Variants in PTPRK observed in about 807,000 individuals in gnomAD.
PTPRK encodes the protein receptor-type tyrosine-protein phosphatase kappa.
A neutral mutation model predicts 178.0 loss-of-function variants in PTPRK; 75 were observed. The observed-to-expected ratio is 0.42, with a 90% CI of 0.35 to 0.51. The LOEUF (loss-of-function observed/expected upper bound fraction) is 0.51, where lower values mean the gene tolerates loss of function less well. Ranked by LOEUF, PTPRK falls within the 20% of genes least tolerant of loss-of-function variation. The pLI is 0.02. For synonymous variants in PTPRK, 637 were observed against 620.6 expected (o/e 1.03, Z -0.39); for missense variants, 1,441 against 1,797.8 (o/e 0.80, Z 3.59).
At chr6:128,367,594 A>C (rs1835691870) in intron 2 of PTPRK, among the ~76,000 whole-genome samples, 1 of 152,192 alleles carries the variant, frequency 6.6e-6, no homozygotes, top group Admixed American at 6.5e-5. Flanking sequence ...AGCTTCCAAA[A>C]GAATCTAAAC....
At chr6:128,198,327 T>C (rs1035296523) in intron 6 of PTPRK, among the ~76,000 whole-genome samples, 1 of 152,196 alleles carries the variant, frequency 6.6e-6, no homozygotes, top group African/African-American at 2.4e-5. Flanking sequence ...TCATGTGTTA[T>C]CACTCTTCAA....
At chr6:128,509,337 G>A (rs771709469) in intron 1 of PTPRK, among the ~76,000 whole-genome samples, 2 of 152,144 alleles carry the variant, frequency 1.3e-5, no homozygotes, top group Non-Finnish European at 2.9e-5. Flanking sequence ...TGGGGGGACT[G>A]CTCTTTATGA....
At chr6:128,072,208 T>C (rs1251106128) in intron 11 of PTPRK, among the ~76,000 whole-genome samples, 1 of 152,048 alleles carries the variant, frequency 6.6e-6, no homozygotes, top group Non-Finnish European at 1.5e-5. Flanking sequence ...ATTGGTATCA[T>C]TAATCATTCA....
At chr6:128,065,742 T>C (rs1781643232) in intron 12 of PTPRK, among the ~76,000 whole-genome samples, 1 of 152,192 alleles carries the variant, frequency 6.6e-6, no homozygotes, top group Non-Finnish European at 1.5e-5. Context: ...AAATAAAATG[T>C]TGCACTTCTA....
At position 127,985,734 on chromosome 6, in the gene PTPRK, C is replaced by T. The variant is rs765143497; in HGVS notation, c.3238G>A (p.Val1080Ile). Reference protein sequence around the residue: ...LSNPPSAGPIVVHCSAGAGRT... With the variant: ...LSNPPSAGPIIVHCSAGAGRT... ...ACCACCACTTACCTGCAATGTACAA[C>T]GATGGGGCCAGCACTGGGAGGGTTT... Residue 1080 changes from valine (V) to isoleucine (I), a missense_variant, in exon 22 of 30, where the codon GTT (valine) becomes ATT (isoleucine). Transcript: ENST00000368226. The T allele has an allele frequency of 1.5e-5, 24 of 1,612,362 alleles. No individual in the cohort carries two copies. The highest frequency in any genetic ancestry group is 1.6e-4 in the Middle Eastern group (1 of 6,062).
chr6:128,260,062 T>C (rs1817946135), intron 3 of PTPRK, among the ~76,000 whole-genome samples: 1 of 152,200 alleles, frequency 6.6e-6, no homozygotes, highest in Admixed American at 6.5e-5. Context: ...ATGTCTGTAT[T>C]TGAATATTTA....
chr6:128,350,644 C>T (rs954264863), intron 2 of PTPRK, among the ~76,000 whole-genome samples: 7 of 152,108 alleles, frequency 4.6e-5, no homozygotes, highest in African/African-American at 7.2e-5. Context: ...AAAAATTCAA[C>T]GTAACAATTG....
At chr6:128,459,393 C>T (rs764269537) in intron 1 of PTPRK, among the ~76,000 whole-genome samples, 1 of 152,074 alleles carries the variant, frequency 6.6e-6, no homozygotes, top group Non-Finnish European at 1.5e-5. Context: ...TTCCACCTCA[C>T]CAAGTTTCAC....
intron 27 of PTPRK, among the ~76,000 whole-genome samples, chr6:127,975,770 CA>C (rs1361099887): frequency 6.6e-6 from 1 of 152,150 alleles, no homozygotes; most frequent in Admixed American, 6.5e-5. Context: ...CTCCCGGGTT[CA>C]AATGATTCTG....
rs576228555 is a variant in PTPRK, at chr6:128,153,627, T to C, written c.1162+30805A>G. On this transcript the variant is annotated intron_variant, in intron 7 of 29. Coordinates refer to ENST00000368226, the MANE Select transcript of PTPRK (RefSeq NM_002844.4). ...TGAAATCCATCTTTCAAATTAACAA[T>C]GAATGTAAGCAAATATACTGCCCTC... is the stretch of plus-strand genomic sequence containing the variant. Among the ~76,000 whole-genome samples the C allele has an allele frequency of 5.3e-5, 8 of 152,014 alleles. No individual in the cohort carries two copies. The South Asian group carries it at 1.2e-3, about 24-fold the overall frequency.
intron 13 of PTPRK, among the ~76,000 whole-genome samples, chr6:128,044,263 A>G (rs565203322): frequency 6.6e-6 from 1 of 152,174 alleles, no homozygotes; most frequent in East Asian, 1.9e-4. Flanking sequence ...TTCCTACATT[A>G]CATTTAATCT....
chr6:128,162,531 A>C (rs906155128), intron 7 of PTPRK, among the ~76,000 whole-genome samples: 15 of 151,724 alleles, frequency 9.9e-5, no homozygotes, highest in Non-Finnish European at 2.1e-4. Flanking sequence ...ATAAATCCAA[A>C]TATATTTAGA....
At chr6:128,073,911 G>GT (rs1411397273) in intron 11 of PTPRK, among the ~76,000 whole-genome samples, 2 of 151,908 alleles carry the variant, frequency 1.3e-5, no homozygotes, top group African/African-American at 4.8e-5. Flanking sequence ...TAAGCTCTAG[G>GT]TCAGGATAGT....
At chr6:128,392,080 T>C (rs1043678151) in intron 2 of PTPRK, among the ~76,000 whole-genome samples, 2 of 152,146 alleles carry the variant, frequency 1.3e-5, no homozygotes, top group African/African-American at 4.8e-5. Flanking sequence ...ATCTGTTTTA[T>C]AATCCCCTAC....
At chr6:128,446,854 C>T (rs796232122) in intron 1 of PTPRK, among the ~76,000 whole-genome samples, 32 of 152,202 alleles carry the variant, frequency 2.1e-4, no homozygotes, top group African/African-American at 7.5e-4. Flanking sequence ...CAACTGCAAT[C>T]TTGTGTTTTT....
intron 2 of PTPRK, among the ~76,000 whole-genome samples, chr6:128,384,789 T>C (rs1838461803): frequency 6.6e-6 from 1 of 151,970 alleles, no homozygotes; most frequent in African/African-American, 2.4e-5. Context: ...TGCTGTCAAA[T>C]ATTATATTAA....
At position 128,009,141 on chromosome 6, in the gene PTPRK, A is replaced by T; in HGVS notation, c.2322T>A (p.Ile774=). ...ATATTAGGCCTTACCTCTTTTTTAC[A>T]ATTAATATGACAACTAGGAGAAGGA... is the stretch of plus-strand genomic sequence containing the variant. The part of the protein sequence containing the change: ...FILLLLVVIL[I]VKKSKLAKKR... The change falls in exon 14 of 30, where the codon ATT becomes ATA. Residue 774 remains isoleucine, a synonymous_variant. Transcript: ENST00000368226. 6.2e-7 allele frequency: 1 copy of T among 1,608,498 alleles called. No individual in the cohort carries two copies. Among genetic ancestry groups the T allele is most frequent in the Non-Finnish European group, 8.5e-7 (1 of 1,176,300 alleles).
intron 2 of PTPRK, among the ~76,000 whole-genome samples, chr6:128,366,650 C>T (rs1164245454): frequency 1.3e-5 from 2 of 152,080 alleles, no homozygotes; most frequent in African/African-American, 4.8e-5. Context: ...AGAAATCAAT[C>T]AAGTCTATGA....
chr6:128,102,706 C>A (rs2114275161), intron 7 of PTPRK, among the ~76,000 whole-genome samples: 1 of 152,306 alleles, frequency 6.6e-6, no homozygotes, highest in South Asian at 2.1e-4. Flanking sequence ...ACTCCAGACT[C>A]ATGTATTCAA....
Sources: gnomAD v4.1 joint callset for allele counts (sites outside exome capture counted in the v4.1 genomes callset) on GRCh38, gnomAD v4.1.1 for gene constraint, MANE v1.5 for transcripts, NCBI Gene and HGNC (gene_info 2026-07-23, HGNC 2026-07-21) for gene names.